The following NR6A1 variants were observed in gnomAD, a reference collection of about 807,000 sequenced individuals.
The protein encoded by NR6A1 is retinoic acid receptor-related testis-associated receptor.
A neutral mutation model predicts 59.1 loss-of-function variants in NR6A1; 7 were observed. The ratio of observed to expected loss-of-function variants is 0.12; its 90% CI spans 0.07 to 0.22. The LOEUF (loss-of-function observed/expected upper bound fraction) is 0.22. Ranked by LOEUF, NR6A1 falls within the 10% of genes least tolerant of loss-of-function variation. NR6A1 has a pLI of 1.00. For synonymous variants in NR6A1, 243 were observed against 236.1 expected, an observed-to-expected ratio of 1.03 and a Z score of -0.27; for missense variants, 468 against 611.6, an observed-to-expected ratio of 0.77 and a Z score of 2.48.
At chr9:124,654,875 TACACAC>T (rs3983841) in intron 2 of NR6A1, among the ~76,000 whole-genome samples, 55 of 123,912 alleles carry the variant, frequency 4.4e-4, no homozygotes, top group Middle Eastern at 3.9e-3. Context: ...TTTTTTTTTG[TACACAC>T]ACACACACAC....
chr9:124,680,638 T>C (rs1425719639), intron 2 of NR6A1, among the ~76,000 whole-genome samples: 1 of 152,172 alleles, frequency 6.6e-6, no homozygotes, highest in African/African-American at 2.4e-5. Flanking sequence ...ATACACGGTT[T>C]GTCTCCTCTG....
intron 2 of NR6A1, among the ~76,000 whole-genome samples, chr9:124,663,119 G>A (rs1837496580): frequency 1.3e-5 from 2 of 152,134 alleles, no homozygotes; most frequent in South Asian, 4.1e-4. Context: ...AATAGTAACA[G>A]TAGTAATGAA....
chr9:124,599,006 T>G (rs988319126), intron 2 of NR6A1: 1 of 740,110 alleles, frequency 1.4e-6, no homozygotes, highest in African/African-American at 1.7e-5. Flanking sequence ...GGCACAAATC[T>G]TCAGGGTCTT....
At chr9:124,698,801 A>G (rs1163993116) in intron 2 of NR6A1, among the ~76,000 whole-genome samples, 1 of 152,138 alleles carries the variant, frequency 6.6e-6, no homozygotes, top group East Asian at 1.9e-4. Flanking sequence ...TAGCTACCAA[A>G]TATCAGGATA....
Position 124,659,301 on chromosome 9 carries a change from G to A in NR6A1, c.142+74007C>T, listed in dbSNP as rs539837294. Among the ~76,000 whole-genome samples, 91 of 152,254 alleles carry A rather than the reference G, an allele frequency of 6.0e-4. 1 individual carries two copies. In the South Asian group the frequency reaches 0.018, roughly 31 times the overall value. On this transcript the variant is annotated intron_variant, in intron 2 of 9. Transcript: ENST00000487099. ...GGGGCGGGAGCGGGGGGGCGGGTAG[G>A]GACATGGATGTGTGAGGTGCTCATG...
At position 124,763,188 on chromosome 9, in the gene NR6A1, T is replaced by C. The variant is rs1840828212; in HGVS notation, c.100+7832A>G. 2.0e-5 allele frequency among the ~76,000 whole-genome samples: 3 copies of C among 152,372 alleles called. No homozygotes were observed. In the South Asian group the frequency reaches 6.2e-4, roughly 32 times the overall value. ...TCACACAGAATATCAAAAGTACATG[T>C]ACTCAAGGGTCAAGATTTAATCATC... On this transcript the variant is annotated intron_variant, in intron 1 of 9. Coordinates refer to ENST00000487099, the MANE Select transcript of NR6A1 (RefSeq NM_033334.4).
chr9:124,751,871 G>A (rs930651097), intron 1 of NR6A1, among the ~76,000 whole-genome samples: 29 of 152,092 alleles, frequency 1.9e-4, no homozygotes, highest in Non-Finnish European at 3.8e-4. Context: ...AAAATAATTC[G>A]GAACTGAATT....
intron 2 of NR6A1, among the ~76,000 whole-genome samples, chr9:124,670,132 C>A (rs1238963877): frequency 1.3e-5 from 2 of 151,184 alleles, no homozygotes; most frequent in Non-Finnish European, 2.9e-5. Context: ...GTAATCCCAG[C>A]ACTTTGGGAA....
At chr9:124,763,559 G>C (rs1253435359) in intron 1 of NR6A1, among the ~76,000 whole-genome samples, 2 of 152,138 alleles carry the variant, frequency 1.3e-5, no homozygotes, top group Non-Finnish European at 2.9e-5. Flanking sequence ...GATTAAGTTT[G>C]AAACAAACAA....
intron 2 of NR6A1, among the ~76,000 whole-genome samples, chr9:124,661,181 A>G (rs990267359): frequency 7.3e-5 from 11 of 151,596 alleles, no homozygotes; most frequent in African/African-American, 2.4e-4. Flanking sequence ...GGAATACTAG[A>G]AAAAAAAACT....
rs75808120 is a variant in NR6A1 at position 124,702,085 on chromosome 9, A to G, written c.142+31223T>C. The stretch of plus-strand genomic sequence containing the variant: ...AATCTGAAGTTTTCCCATTTTCTTA[A>G]TAACGTATTTTGAAATGCAAAAGTT... On this transcript the variant is annotated intron_variant, in intron 2 of 9. Coordinates refer to ENST00000487099, the MANE Select transcript of NR6A1 (RefSeq NM_033334.4). Among the ~76,000 whole-genome samples the G allele has an allele frequency of 6.2e-3, 942 of 152,326 alleles. 7 individuals carry two copies. The highest frequency in any genetic ancestry group is 6.5e-3 in the Non-Finnish European group (442 of 68,034).
At chr9:124,543,910 C>A in intron 3 of NR6A1, 53 bp from the exon 4 acceptor site, 1 of 1,507,896 alleles carries the variant, frequency 6.6e-7, no homozygotes, top group South Asian at 1.1e-5. Context: ...TCATATAAGT[C>A]TTAGCACAAA....
At chr9:124,676,205 T>C (rs1460272749) in intron 2 of NR6A1, among the ~76,000 whole-genome samples, 1 of 152,176 alleles carries the variant, frequency 6.6e-6, no homozygotes, top group Non-Finnish European at 1.5e-5. Context: ...AAACAATAAC[T>C]CTTTACTTCT....
At chr9:124,628,941 C>T (rs780928102) in intron 2 of NR6A1, among the ~76,000 whole-genome samples, 12 of 152,072 alleles carry the variant, frequency 7.9e-5, no homozygotes, top group Non-Finnish European at 1.5e-4. Context: ...ATTACAGGCG[C>T]GAGCCACCGC....
intron 2 of NR6A1, among the ~76,000 whole-genome samples, chr9:124,618,350 G>C (rs1022664558): frequency 3.3e-5 from 5 of 152,150 alleles, no homozygotes; most frequent in African/African-American, 1.2e-4. Flanking sequence ...GGGCGTGGTG[G>C]CATGTGCCTG....
intron 1 of NR6A1, among the ~76,000 whole-genome samples, chr9:124,743,045 G>C (rs931117454): frequency 7.2e-5 from 11 of 152,106 alleles, no homozygotes; most frequent in Admixed American, 6.5e-4. Context: ...AATGGCTTTG[G>C]CATGAGGCTG....
Position 124,771,263 on chromosome 9 carries a change from C to CCGGCTCCGCG in NR6A1, c.-154_-145dup, listed in dbSNP as rs1432452122. ...CGGCTCTCTCTGGGCCCCGAGCCGC[C>CCGGCTCCGCG]CGGCTCCGCGCCGCTCCGCGCCCCT... On this transcript the variant is annotated 5_prime_UTR_variant, in exon 1 of 10. Coordinates refer to ENST00000487099, the MANE Select transcript of NR6A1 (RefSeq NM_033334.4). 3 of 422,674 alleles carry CCGGCTCCGCG rather than the reference C, an allele frequency of 7.1e-6. No homozygotes were observed. Among genetic ancestry groups the CCGGCTCCGCG allele is most frequent in the Non-Finnish European group, 1.2e-5 (3 of 249,864 alleles). 26.2% of individuals were successfully genotyped at this position (422,674 alleles called of 1,614,324 possible).
At chr9:124,690,302 T>A (rs550675973) in intron 2 of NR6A1, among the ~76,000 whole-genome samples, 1 of 152,276 alleles carries the variant, frequency 6.6e-6, no homozygotes, top group South Asian at 2.1e-4. Context: ...TTCTTCCAAG[T>A]ATATCAAGAA....
chr9:124,638,714 A>C (rs1235052997), intron 2 of NR6A1, among the ~76,000 whole-genome samples: 2 of 152,212 alleles, frequency 1.3e-5, no homozygotes, highest in Non-Finnish European at 2.9e-5. Flanking sequence ...TGAAAGTTAA[A>C]ATGGAATAAA....
Sources: gnomAD v4.1 joint callset for allele counts (sites outside exome capture counted in the v4.1 genomes callset) on GRCh38, gnomAD v4.1.1 for gene constraint, MANE v1.5 for transcripts, NCBI Gene and HGNC (gene_info 2026-07-23, HGNC 2026-07-21) for gene names.